ANKRD54: variants seen among roughly 807,000 people sequenced by gnomAD.
The protein encoded by ANKRD54 is ankyrin repeat domain-containing protein 54.
Under a neutral mutation model 36.2 loss-of-function variants are expected in ANKRD54, and 26 were observed. The observed-to-expected ratio is 0.72, with a 90% CI of 0.53 to 1.00. The LOEUF (loss-of-function observed/expected upper bound fraction) is 1.00. Among genes scored for constraint, ANKRD54 ranks in the 50% least tolerant of loss-of-function variants. The pLI is 0.00. For missense variants in ANKRD54, 384 were observed against 424.3 expected, an observed-to-expected ratio of 0.91 and a Z score of 0.83; for synonymous variants, 209 against 188.4, an observed-to-expected ratio of 1.11 and a Z score of -0.89.
upstream of ANKRD54, chr22:37,847,874 A>G (rs1468867216): frequency 9.8e-6 from 3 of 307,568 alleles, no homozygotes; most frequent in African/African-American, 6.7e-5. Flanking sequence ...GGGGCTGGGC[A>G]TTGCAATTCT....
chr22:37,843,981 T>G lies in ANKRD54; in HGVS notation c.258A>C (p.Ile86=), dbSNP rs945259692. Residue 86 remains isoleucine (I), a synonymous_variant, in exon 1 of 8, where the codon ATA becomes ATC. Coordinates refer to ENST00000215941, the MANE Select transcript of ANKRD54 (RefSeq NM_138797.4). The part of the protein sequence containing the change: ...AEPRDELRCK[I]PAGRLRRAAR... ...CAGCGCGCCTCAGCCGGCCAGCGGG[T>G]ATCTTGCAGCGCAGCTCGTCGCGCG... 7.1e-7 allele frequency: 1 copy of G among 1,417,604 alleles called. No homozygotes were observed. Among genetic ancestry groups the G allele is most frequent in the Non-Finnish European group, 9.2e-7 (1 of 1,088,500 alleles). The allele number at this position is 1,417,604 out of a possible 1,614,324, so 87.8% of individuals were successfully genotyped here.
intron 4 of ANKRD54, 48 bp downstream of exon 4, chr22:37,833,636 C>G: frequency 6.2e-7 from 1 of 1,604,448 alleles, no homozygotes; most frequent in Non-Finnish European, 8.5e-7. Flanking sequence ...TCTAAAGAGC[C>G]TTTCTTTGCT....
chr22:37,834,023 T>C, intron 3 of ANKRD54: 1 of 412,152 alleles, frequency 2.4e-6, no homozygotes, highest in East Asian at 3.9e-5. Context: ...GTAAAGTTCT[T>C]CCAATAGCAG....
intron 1 of ANKRD54, 150 bp from the exon 2 acceptor site, chr22:37,840,384 C>T (rs901874615): frequency 2.5e-6 from 2 of 808,914 alleles, no homozygotes; most frequent in Non-Finnish European, 4.0e-6. Flanking sequence ...TGGTGAAACC[C>T]CATCTCTACT....
upstream of ANKRD54, among the ~76,000 whole-genome samples, chr22:37,844,640 C>G (rs929244983): frequency 6.6e-6 from 1 of 152,190 alleles, no homozygotes; most frequent in African/African-American, 2.4e-5. Context: ...GGCTCGCGAT[C>G]TCGGCTCACT....
At chr22:37,844,345 C>G (rs746595629), upstream of ANKRD54, 1 of 1,321,554 alleles carries the variant, frequency 7.6e-7, no homozygotes, top group East Asian at 2.8e-5. Flanking sequence ...GGCGGGCGGG[C>G]AGGGCCCGCA....
rs550544171 is a variant in ANKRD54 at position 37,843,892 on chromosome 22, C to G, written c.328+19G>C. 3.3e-6 allele frequency: 4 copies of G among 1,214,210 alleles called. No homozygotes were observed. The highest frequency in any genetic ancestry group is 4.1e-6 in the Non-Finnish European group (4 of 978,112). The allele number at this position is 1,214,210 out of a possible 1,614,324, so 75.2% of individuals were successfully genotyped here. ...CGGGCTGCCCCGCCCCGGGCCCCCG[C>G]GCCGCTCGCGCCGCTCACCGTGCAC... On this transcript the variant is annotated intron_variant, in intron 1 of 7. Coordinates refer to ENST00000215941, the MANE Select transcript of ANKRD54 (RefSeq NM_138797.4).
chr22:37,843,870 G>T, intron 1 of ANKRD54, 41 bp downstream of exon 1: 1 of 1,188,040 alleles, frequency 8.4e-7, no homozygotes, highest in Non-Finnish European at 1.0e-6. Context: ...CCTCGCCCGG[G>T]CTGCCCCGCC....
intron 3 of ANKRD54, among the ~76,000 whole-genome samples, chr22:37,837,712 G>T (rs755068301): frequency 3.9e-5 from 6 of 152,222 alleles, no homozygotes; most frequent in Non-Finnish European, 8.8e-5. Flanking sequence ...ATGCAAGGCT[G>T]GTGCAGTGGC....
chr22:37,839,322 T>TAA, intron 2 of ANKRD54, among the ~76,000 whole-genome samples: 1 of 152,222 alleles, frequency 6.6e-6, no homozygotes, highest in African/African-American at 2.4e-5. Context: ...TTAGTTCCTT[T>TAA]GCGGACATGG....
intron 7 of ANKRD54, 57 bp downstream of exon 7, chr22:37,832,580 G>A (rs1009864652): frequency 3.4e-5 from 52 of 1,520,652 alleles, no homozygotes; most frequent in Non-Finnish European, 4.4e-5. Context: ...GGAGCAGGGT[G>A]GACTGGCCCT....
At chr22:37,841,930 G>A (rs1035120205) in intron 1 of ANKRD54, among the ~76,000 whole-genome samples, 9 of 151,726 alleles carry the variant, frequency 5.9e-5, no homozygotes. Context: ...CGGGTGTGGT[G>A]GTGCATGCCT....
At chr22:37,847,791 A>G (rs1413668831), upstream of ANKRD54, 3 of 441,038 alleles carry the variant, frequency 6.8e-6, no homozygotes, top group Non-Finnish European at 1.4e-5. Flanking sequence ...AAGCTCCATT[A>G]TTTCCAAATT....
Position 37,831,861 on chromosome 22 carries a change from C to G in ANKRD54, c.*82G>C. ...CACCAGACAAGTGCAGCTCCAAGTC[C>G]CAGATGTTGGGCTTTTTCTTGGTAC... On this transcript the variant is annotated 3_prime_UTR_variant, in exon 8 of 8. Transcript: ENST00000215941. The G allele has an allele frequency of 2.1e-6, 3 of 1,457,750 alleles. No homozygotes were observed. The highest frequency in any genetic ancestry group is 2.8e-6 in the Non-Finnish European group (3 of 1,058,736). The allele number at this position is 1,457,750 out of a possible 1,614,324, so 90.3% of individuals were successfully genotyped here.
chr22:37,836,274 C>T (rs999106803), intron 3 of ANKRD54, among the ~76,000 whole-genome samples: 7 of 149,768 alleles, frequency 4.7e-5, no homozygotes, highest in Admixed American at 1.3e-4. Flanking sequence ...TGGAGAAACC[C>T]GGTCTCCACT....
intron 4 of ANKRD54, 100 bp downstream of exon 4, chr22:37,833,580 ACACT>A (rs1444189599): frequency 9.8e-6 from 12 of 1,224,532 alleles, no homozygotes; most frequent in East Asian, 7.3e-5. Flanking sequence ...ATCTTCCCTG[ACACT>A]CACAGTTTCT....
At position 37,833,803 on chromosome 22, in the gene ANKRD54, T is replaced by C. The variant is rs1391440028; in HGVS notation, c.476-48A>G. The C allele has an allele frequency of 3.8e-6, 6 of 1,586,366 alleles. No homozygotes were observed. The African/African-American group carries it at 8.1e-5, about 21-fold the overall frequency. ...GGAGTTGTCGGAGGCTTCCATTGCC[T>C]GCACCCTGAACCCCTAACCTAGCTA... On this transcript the variant is annotated intron_variant, in intron 3 of 7. Coordinates refer to ENST00000215941, the MANE Select transcript of ANKRD54 (RefSeq NM_138797.4).
In ANKRD54 at chr22:37,843,891, G is replaced by A. The variant is rs1924602490; in HGVS notation, c.328+20C>T. 3.3e-6 allele frequency: 4 copies of A among 1,212,888 alleles called. No homozygotes were observed. The highest frequency in any genetic ancestry group is 4.1e-6 in the Non-Finnish European group (4 of 977,216). The allele number at this position is 1,212,888 out of a possible 1,614,324, so 75.1% of individuals were successfully genotyped here. A position where few individuals can be genotyped will look rare whatever the true frequency, so the allele number is the denominator to read the frequency against. ...CCGGGCTGCCCCGCCCCGGGCCCCC[G>A]CGCCGCTCGCGCCGCTCACCGTGCA... On this transcript the variant is annotated intron_variant, in intron 1 of 7. Transcript: ENST00000215941.
chr22:37,844,193 G>A lies in ANKRD54; in HGVS notation c.46C>T (p.His16Tyr). The A allele has an allele frequency of 6.6e-7, 1 of 1,518,958 alleles. No individual in the cohort carries two copies. The highest frequency in any genetic ancestry group is 1.2e-5 in the South Asian group (1 of 81,774). 94.1% of individuals were successfully genotyped at this position (1,518,958 alleles called of 1,614,324 possible). The change falls in exon 1 of 8, where the codon CAC becomes TAC. Residue 16 changes from histidine to tyrosine, a missense_variant. Coordinates refer to ENST00000215941, the MANE Select transcript of ANKRD54 (RefSeq NM_138797.4). ...GDADDEPRSG[H>Y]SSSEGECAVA... is the part of the protein sequence containing the mutation. ...GCGCACTCGCCCTCCGAGCTCGAGTGGCCTGAGCGCGGCTCGTCGTCCGCG... is the reference window on the plus strand; with the variant it reads ...GCGCACTCGCCCTCCGAGCTCGAGTAGCCTGAGCGCGGCTCGTCGTCCGCG...
Sources: allele counts gnomAD v4.1 joint callset (sites outside exome capture counted in the v4.1 genomes callset), GRCh38; gene constraint gnomAD v4.1.1; transcripts MANE v1.5; gene names NCBI Gene and HGNC (gene_info 2026-07-23, HGNC 2026-07-21).